The following TG variants were observed in gnomAD, a reference collection of about 807,000 sequenced individuals.
TG encodes thyroid hormones.
Under a neutral mutation model 324.7 loss-of-function variants are expected in TG, and 270 were observed. That is an observed-to-expected ratio of 0.83 (90% CI 0.75 to 0.92). TG has a LOEUF of 0.92. TG is among the 40% of genes least tolerant of loss of function. TG has a pLI of 0.00. For missense variants in TG, 3,591 were observed against 3,456.4 expected (o/e 1.04, Z -0.98); for synonymous variants, 1,401 against 1,327.0 (o/e 1.06, Z -1.21).
chr8:133,081,589 A>AC (rs1414846635), intron 41 of TG, among the ~76,000 whole-genome samples: 2 of 85,156 alleles, frequency 2.3e-5, no homozygotes, highest in African/African-American at 5.0e-5. Flanking sequence ...GAAGAAGAAG[A>AC]AAAAAAAAGT....
chr8:132,969,444 C>T lies in TG; in HGVS notation c.5864-14C>T. 6.3e-7 allele frequency: 1 copy of T among 1,575,360 alleles called. No individual in the cohort carries two copies. Among genetic ancestry groups the T allele is most frequent in the Non-Finnish European group, 8.7e-7 (1 of 1,144,936 alleles). On this transcript the variant is annotated splice_polypyrimidine_tract_variant and intron_variant, in intron 31 of 47. Transcript: ENST00000220616. ...AATCTCTAAGTAATGTATTTTCTTT[C>T]TTCCTCTATGAAGTTATACTGGAAG... is the stretch of plus-strand genomic sequence containing the variant.
rs1220599335 is a variant in TG at position 132,972,718 on chromosome 8, C to T, written c.6176C>T (p.Pro2059Leu). 6.2e-7 allele frequency: 1 copy of T among 1,614,010 alleles called. No homozygotes were observed. Among genetic ancestry groups the T allele is most frequent in the Admixed American group, 1.7e-5 (1 of 60,010 alleles). Reference sequence around the variant, plus strand: ...CCTGACATTGAAGTCCACACCTATCCCTTCGGATGGTACCAGAAGCCCAGT... The same window carrying T: ...CCTGACATTGAAGTCCACACCTATCTCTTCGGATGGTACCAGAAGCCCAGT... ...GSPDIEVHTYPFGWYQKPIAQ... is the reference protein window; with the variant it reads ...GSPDIEVHTYLFGWYQKPIAQ... Residue 2059 changes from proline (P) to leucine (L), a missense_variant, in exon 34 of 48, where the codon CCC becomes CTC. By Grantham distance (98) the Pro-to-Leu change is moderately conservative (BLOSUM62 -3). Transcript: ENST00000220616.
rs190145768 is a variant in TG, at chr8:132,974,240, C to T, written c.6199+1499C>T. Among the ~76,000 whole-genome samples the T allele has an allele frequency of 1.5e-3, 228 of 152,134 alleles. 1 individual carries two copies. The highest frequency in any genetic ancestry group is 6.8e-3 in the Middle Eastern group (2 of 292). On this transcript the variant is annotated intron_variant, in intron 34 of 47. Coordinates refer to ENST00000220616, the MANE Select transcript of TG (RefSeq NM_003235.5). Reference sequence around the variant, plus strand: ...AACTCCTGACCTCAGGTGATCCACCCGCCTCGGCCTCCCAAAGTGCTGGGA... The same window carrying T: ...AACTCCTGACCTCAGGTGATCCACCTGCCTCGGCCTCCCAAAGTGCTGGGA...
At chr8:132,929,350 C>G (rs182370984) in intron 23 of TG, among the ~76,000 whole-genome samples, 158 bp downstream of exon 23, 1 of 152,322 alleles carries the variant, frequency 6.6e-6, no homozygotes, top group Admixed American at 6.5e-5. Context: ...AATGCATATT[C>G]AATTCATAAC....
Position 132,908,287 on chromosome 8 carries a change from T to C in TG, c.3949T>C (p.Phe1317Leu), listed in dbSNP as rs1023282300. 1 of 1,613,566 alleles carries C rather than the reference T, an allele frequency of 6.2e-7. No homozygotes were observed. The change falls in exon 18 of 48, where the codon TTC (phenylalanine) becomes CTC (leucine). Residue 1317 changes from phenylalanine to leucine, a missense_variant. By Grantham distance (22) the Phe-to-Leu change is conservative. Coordinates refer to ENST00000220616, the MANE Select transcript of TG (RefSeq NM_003235.5). ...SADYADLLQTFQVFILDELTA... is the reference protein window; with the variant it reads ...SADYADLLQTLQVFILDELTA... ...TGACTACGCGGATTTGCTGCAGACT[T>C]TCCAGGTTTTCATATTGGATGAGCT... is the stretch of plus-strand genomic sequence containing the variant.
chr8:132,979,232 T>C (rs1237858254), intron 34 of TG, among the ~76,000 whole-genome samples: 3 of 152,160 alleles, frequency 2.0e-5, no homozygotes, highest in Non-Finnish European at 2.9e-5. Context: ...CTCTGTGGCA[T>C]TGGTACTCTC....
intron 35 of TG, among the ~76,000 whole-genome samples, chr8:132,993,318 A>G (rs147270014): frequency 1.3e-5 from 2 of 152,226 alleles, no homozygotes; most frequent in East Asian, 3.8e-4. Context: ...GCCACATGGG[A>G]TATGAGTTTG....
Position 133,029,987 on chromosome 8 carries a change from CA to C in TG, c.7204del (p.Thr2402ProfsTer11). 6.2e-7 allele frequency: 1 copy of C among 1,614,192 alleles called. No homozygotes were observed. The highest frequency in any genetic ancestry group is 8.5e-7 in the Non-Finnish European group (1 of 1,180,044). ...ASIHLLTARA[T>X]NSQLFRRAVL... ...GCATCCACCTTCTCACGGCCAGGGC[CA>C]CCAACTCCCAACTTTTCCGGAGAGC... is the stretch of plus-strand genomic sequence containing the variant. On this transcript the variant is annotated frameshift_variant, in exon 41 of 48. Coordinates refer to ENST00000220616, the MANE Select transcript of TG (RefSeq NM_003235.5). LOFTEE classifies it high-confidence loss of function.
intron 27 of TG, among the ~76,000 whole-genome samples, chr8:132,953,274 C>T (rs1826376272): frequency 6.6e-6 from 1 of 152,132 alleles, no homozygotes; most frequent in South Asian, 2.1e-4. Flanking sequence ...GCTGGAGCAG[C>T]CCCTGTGTTT....
intron 10 of TG, among the ~76,000 whole-genome samples, chr8:132,893,473 A>G (rs1229199325): frequency 4.7e-4 from 36 of 76,676 alleles, no homozygotes; most frequent in African/African-American, 1.8e-3. Context: ...GGTGGTGTGT[A>G]TGTGTGTGGT....
chr8:132,966,456 G>GTC (rs112044771), intron 29 of TG, 104 bp from the exon 30 acceptor site: 36,285 of 1,173,166 alleles, frequency 0.031, 312 homozygotes, highest in Middle Eastern at 0.075. Flanking sequence ...TTCTCTCTCT[G>GTC]TCTCTCTCTC....
intron 25 of TG, among the ~76,000 whole-genome samples, chr8:132,940,395 A>C (rs906168559): frequency 3.3e-5 from 5 of 152,366 alleles, no homozygotes; most frequent in Admixed American, 1.3e-4. Context: ...TCATGTTTGC[A>C]AAGTGACACT....
In TG at chr8:133,050,273, C is replaced by CA. The variant is rs1205818921; in HGVS notation, c.7239+20250_7239+20251insA. The CA allele has an allele frequency of 1.3e-5, 6 of 454,292 alleles. No homozygotes were observed. In the East Asian group the frequency reaches 2.3e-4, roughly 18 times the overall value. The allele number at this position is 454,292 out of a possible 1,614,324, so 28.1% of individuals were successfully genotyped here. ...AGCTAATGTTCCCAACTGTTGGAGG[C>CA]TTTTTAAAAATAAATGTTTACTATG... On this transcript the variant is annotated intron_variant, in intron 41 of 47. Coordinates refer to ENST00000220616, the MANE Select transcript of TG (RefSeq NM_003235.5).
At chr8:133,017,521 T>C (rs1328748213) in intron 37 of TG, among the ~76,000 whole-genome samples, 1 of 152,196 alleles carries the variant, frequency 6.6e-6, no homozygotes, top group South Asian at 2.1e-4. Context: ...TGGATCCATG[T>C]ATAGAAGGGA....
intron 20 of TG, among the ~76,000 whole-genome samples, chr8:132,916,786 C>A (rs1446089674): frequency 6.6e-6 from 1 of 152,206 alleles, no homozygotes; most frequent in South Asian, 2.1e-4. Context: ...GCCTTCATAG[C>A]AGATTAGTTT....
rs1459481955 is a variant in TG, at chr8:132,969,542, C to T, written c.5948C>T (p.Pro1983Leu). 1 of 1,613,400 alleles carries T rather than the reference C, an allele frequency of 6.2e-7. No individual in the cohort carries two copies. The highest frequency in any genetic ancestry group is 8.5e-7 in the Non-Finnish European group (1 of 1,179,428). The change falls in exon 32 of 48, where the codon CCC (proline) becomes CTC (leucine). Residue 1983 changes from proline (P) to leucine (L), a missense_variant. Transcript: ENST00000220616. Reference protein sequence around the residue: ...LMGISIRNKVPMSEKSISNGF... With the variant: ...LMGISIRNKVLMSEKSISNGF... ...GGGATATCCATTAGAAATAAAGTGC[C>T]CATGTCTGAAAAATCTATTTCTAAT...
At chr8:132,954,420 G>A (rs1826558536) in intron 27 of TG, among the ~76,000 whole-genome samples, 1 of 152,198 alleles carries the variant, frequency 6.6e-6, no homozygotes, top group African/African-American at 2.4e-5. Flanking sequence ...TATGAACAGA[G>A]TCTCAGGGCA....
chr8:132,881,968 AGGTGAGT>A lies in TG; in HGVS notation c.745+1_745+7del, dbSNP rs1814704495. On this transcript the variant is annotated splice_donor_variant and splice_donor_5th_base_variant and coding_sequence_variant and intron_variant, in exon 6 of 48. Coordinates refer to ENST00000220616, the MANE Select transcript of TG (RefSeq NM_003235.5). LOFTEE classifies it high-confidence loss of function. ...GCCAAGGGCGGGAACTGGCTGAGAC[AGGTGAGT>A]GATACCCCTCAGGTGATCTGAAGGG... 6.2e-7 allele frequency: 1 copy of A among 1,607,742 alleles called. No individual in the cohort carries two copies.
chr8:133,116,540 C>A (rs1200533442), intron 44 of TG, 69 bp from the exon 45 acceptor site: 8 of 1,457,278 alleles, frequency 5.5e-6, no homozygotes, highest in Non-Finnish European at 7.7e-6. Flanking sequence ...CTGGGAGAAG[C>A]CCTTTCCAGG....
Sources: gnomAD v4.1 joint callset for allele counts (sites outside exome capture counted in the v4.1 genomes callset) on GRCh38, gnomAD v4.1.1 for gene constraint, MANE v1.5 for transcripts, NCBI Gene and HGNC (gene_info 2026-07-23, HGNC 2026-07-21) for gene names.